COLEC12: variants seen among roughly 807,000 people sequenced by gnomAD.
COLEC12 encodes collectin subfamily member 12, also known as collectin-12.
Under a neutral mutation model 71.1 loss-of-function variants are expected in COLEC12, and 33 were observed. The observed-to-expected ratio is 0.46, with a 90% confidence interval of 0.35 to 0.62. The LOEUF is 0.62. Among genes scored for constraint, COLEC12 ranks in the 20% least tolerant of loss-of-function variants. The probability of loss-of-function intolerance (pLI) is 0.00; values close to 1 mark genes in which losing one functional copy is unlikely to be tolerated. For missense variants in COLEC12, 765 were observed against 916.1 expected (o/e 0.84, Z 2.13); for synonymous variants, 350 against 353.0 (o/e 0.99, Z 0.10).
chr18:463,700 C>T (rs756888126), intron 2 of COLEC12, among the ~76,000 whole-genome samples: 8 of 152,122 alleles, frequency 5.3e-5, no homozygotes, highest in Non-Finnish European at 7.3e-5. Context: ...TCTTGTCTTT[C>T]GTATCTTTCT....
intron 2 of COLEC12, among the ~76,000 whole-genome samples, chr18:433,706 C>T (rs1181063213): frequency 6.6e-6 from 1 of 152,156 alleles, no homozygotes; most frequent in Non-Finnish European, 1.5e-5. Context: ...AGCACAGTGG[C>T]TCACACCTGT....
chr18:323,055 T>C (rs1409871003), intron 8 of COLEC12, among the ~76,000 whole-genome samples: 1 of 152,096 alleles, frequency 6.6e-6, no homozygotes, highest in African/African-American at 2.4e-5. Flanking sequence ...CGAAACCCTG[T>C]CTCTACTAAA....
At chr18:323,497 G>A (rs1913764855) in intron 8 of COLEC12, among the ~76,000 whole-genome samples, 1 of 152,330 alleles carries the variant, frequency 6.6e-6, no homozygotes, top group Admixed American at 6.5e-5. Context: ...GAGTCACAAT[G>A]AGTTCAAAAT....
At chr18:487,813 C>A (rs1191359841) in intron 1 of COLEC12, among the ~76,000 whole-genome samples, 4 of 152,152 alleles carry the variant, frequency 2.6e-5, no homozygotes, top group African/African-American at 7.2e-5. Flanking sequence ...AGTGGAACAG[C>A]CCAACCAGGT....
chr18:494,979 A>G (rs938603193), intron 1 of COLEC12, among the ~76,000 whole-genome samples: 3 of 152,156 alleles, frequency 2.0e-5, no homozygotes, highest in Non-Finnish European at 4.4e-5. Context: ...TTTCTTTTCT[A>G]TTTTTAAGAG....
chr18:458,219 G>C (rs966864543), intron 2 of COLEC12, among the ~76,000 whole-genome samples: 1 of 152,200 alleles, frequency 6.6e-6, no homozygotes, highest in Non-Finnish European at 1.5e-5. Flanking sequence ...GACCTCATCA[G>C]GGACCGGAAA....
intron 3 of COLEC12, among the ~76,000 whole-genome samples, chr18:350,430 C>A (rs1224225983): frequency 6.6e-6 from 1 of 152,124 alleles, no homozygotes; most frequent in Admixed American, 6.5e-5. Context: ...AGCATGGGAA[C>A]GGACTAATAC....
At chr18:447,676 C>T (rs915839727) in intron 2 of COLEC12, among the ~76,000 whole-genome samples, 5 of 152,184 alleles carry the variant, frequency 3.3e-5, no homozygotes, top group Non-Finnish European at 5.9e-5. Flanking sequence ...AAATTCACCT[C>T]TCCACATATA....
At chr18:498,726 GTCCC>G (rs1917761244) in intron 1 of COLEC12, among the ~76,000 whole-genome samples, 1 of 152,088 alleles carries the variant, frequency 6.6e-6, no homozygotes, top group South Asian at 2.1e-4. Flanking sequence ...TCACCAGTCC[GTCCC>G]TCCATCAACC....
rs190063037 is a variant in COLEC12, at chr18:465,683, A to G, written c.58+15024T>C. ...TGTATTTATACTTCAAAAGAGGCCT[A>G]TTATCTTAATTAATTTTAAGCAAAA... On this transcript the variant is annotated intron_variant, in intron 2 of 9. Transcript: ENST00000400256. 3.3e-4 allele frequency among the ~76,000 whole-genome samples: 50 copies of G among 152,310 alleles called. 1 individual carries two copies. The highest frequency in any genetic ancestry group is 1.3e-3 in the Admixed American group (20 of 15,300).
chr18:324,508 T>C (rs1365389083), intron 8 of COLEC12, among the ~76,000 whole-genome samples: 1 of 150,710 alleles, frequency 6.6e-6, no homozygotes, highest in African/African-American at 2.4e-5. Context: ...ACATCAAATA[T>C]ATATATCTAA....
At chr18:441,505 C>T (rs185366464) in intron 2 of COLEC12, among the ~76,000 whole-genome samples, 170 of 152,140 alleles carry the variant, frequency 1.1e-3, no homozygotes, top group African/African-American at 3.9e-3. Context: ...TACTGTGCAG[C>T]GTACAGACTC....
chr18:462,319 C>T (rs1167872404), intron 2 of COLEC12, among the ~76,000 whole-genome samples: 4 of 152,136 alleles, frequency 2.6e-5, no homozygotes, highest in African/African-American at 2.4e-5. Flanking sequence ...AAATGTGGTC[C>T]GTCCATGTCA....
At chr18:401,245 T>G (rs1915680272) in intron 2 of COLEC12, among the ~76,000 whole-genome samples, 1 of 152,222 alleles carries the variant, frequency 6.6e-6, no homozygotes, top group African/African-American at 2.4e-5. Flanking sequence ...TTCTTAGTAT[T>G]TAGGAATATA....
intron 2 of COLEC12, among the ~76,000 whole-genome samples, chr18:359,745 G>C (rs1914703507): frequency 6.6e-6 from 1 of 152,158 alleles, no homozygotes; most frequent in Non-Finnish European, 1.5e-5. Flanking sequence ...GTTTCCCTAT[G>C]TGTGTCTTAC....
intron 2 of COLEC12, among the ~76,000 whole-genome samples, chr18:442,002 T>TCCACACACACACAC (rs1221111408): frequency 8.3e-6 from 1 of 120,744 alleles, no homozygotes. Flanking sequence ...TCTCTCTCTC[T>TCCACACACACACAC]ACACACACAC....
chr18:474,847 C>A (rs77379664), intron 2 of COLEC12, among the ~76,000 whole-genome samples: 3,245 of 152,080 alleles, frequency 0.021, 97 homozygotes, highest in African/African-American at 0.071. Context: ...CCAAGGCAGG[C>A]GGATCACCCA....
At chr18:355,914 A>G (rs1436145057) in intron 3 of COLEC12, among the ~76,000 whole-genome samples, 1 of 152,194 alleles carries the variant, frequency 6.6e-6, no homozygotes, top group Non-Finnish European at 1.5e-5. Flanking sequence ...TGCTTCATCT[A>G]AAAACTTAAG....
At chr18:335,277 G>T in intron 5 of COLEC12, 47 bp from the exon 6 acceptor site, 1 of 1,539,172 alleles carries the variant, frequency 6.5e-7, no homozygotes, top group South Asian at 1.2e-5. Context: ...CACTGTGAAT[G>T]ATAGTTATGA....
Sources: gnomAD v4.1 joint callset for allele counts (sites outside exome capture counted in the v4.1 genomes callset) on GRCh38, gnomAD v4.1.1 for gene constraint, MANE v1.5 for transcripts, NCBI Gene and HGNC (gene_info 2026-07-23, HGNC 2026-07-21) for gene names.